The following RCAN3 variants were observed in gnomAD, a reference collection of about 807,000 sequenced individuals.
RCAN3 encodes calcipressin-3.
RCAN3 carries 19 observed loss-of-function variants against 21.9 expected under a neutral mutation model. The ratio of observed to expected loss-of-function variants is 0.87; its 90% CI spans 0.61 to 1.27. The LOEUF is 1.27. RCAN3 is among the 50% of genes most tolerant of loss of function. The pLI, the probability that RCAN3 is intolerant of heterozygous loss-of-function variation, is 0.00. For missense variants in RCAN3, 240 were observed against 300.1 expected, an observed-to-expected ratio of 0.80 and a Z score of 1.48; for synonymous variants, 114 against 112.3, an observed-to-expected ratio of 1.01 and a Z score of -0.09.
chr1:24,514,691 G>A (rs563912021), intron 2 of RCAN3, 124 bp downstream of exon 2: 55 of 927,096 alleles, frequency 5.9e-5, no homozygotes, highest in Non-Finnish European at 8.5e-5. Flanking sequence ...CTTTTAGGCC[G>A]GGCGCATTGG....
rs567211585 is a variant in RCAN3, at chr1:24,532,163, T to C, written c.369+772T>C. On this transcript the variant is annotated intron_variant, in intron 3 of 4. Coordinates refer to ENST00000374395, the MANE Select transcript of RCAN3 (RefSeq NM_013441.4). ...CCATATAACCTAATGTCTTCTAAGA[T>C]TGGAATTTAGTAGTTGCTGTCGTTC... 1.8e-3 allele frequency among the ~76,000 whole-genome samples: 272 copies of C among 152,266 alleles called. 1 individual carries two copies. Among genetic ancestry groups the C allele is most frequent in the African/African-American group, 6.2e-3 (259 of 41,564 alleles).
intron 2 of RCAN3, among the ~76,000 whole-genome samples, chr1:24,530,968 C>A (rs561733025): frequency 2.6e-5 from 4 of 152,242 alleles, no homozygotes; most frequent in African/African-American, 9.6e-5. Context: ...TGAGATCACA[C>A]CACTGCACTC....
intron 1 of RCAN3, among the ~76,000 whole-genome samples, chr1:24,504,960 A>G (rs976509855): frequency 6.6e-5 from 10 of 152,230 alleles, no homozygotes; most frequent in South Asian, 2.1e-4. Flanking sequence ...TGGAACTTCA[A>G]TTATAACAGG....
intron 2 of RCAN3, among the ~76,000 whole-genome samples, chr1:24,530,915 C>T (rs1292094553): frequency 6.6e-6 from 1 of 152,072 alleles, no homozygotes; most frequent in Non-Finnish European, 1.5e-5. Context: ...GAGGCTGAGG[C>T]AGGAAAATCA....
chr1:24,508,112 C>T (rs1280407752), intron 1 of RCAN3, among the ~76,000 whole-genome samples: 1 of 151,210 alleles, frequency 6.6e-6, no homozygotes, highest in Non-Finnish European at 1.5e-5. Context: ...GAAACTCCGT[C>T]TCAAAAAAAA....
intron 2 of RCAN3, among the ~76,000 whole-genome samples, chr1:24,519,108 G>A (rs975515410): frequency 1.3e-5 from 2 of 151,740 alleles, no homozygotes; most frequent in African/African-American, 4.8e-5. Context: ...ATAGAGTTTC[G>A]CCATGTTGGC....
At chr1:24,511,941 C>T (rs1252844285) in intron 1 of RCAN3, among the ~76,000 whole-genome samples, 5 of 151,896 alleles carry the variant, frequency 3.3e-5, no homozygotes, top group South Asian at 2.1e-4. Context: ...AGAGGGAGCA[C>T]GGCAAGAAGA....
At chr1:24,503,505 G>C (rs1035955714) in intron 1 of RCAN3, among the ~76,000 whole-genome samples, 1 of 152,152 alleles carries the variant, frequency 6.6e-6, no homozygotes. Flanking sequence ...AGCGGTGTAG[G>C]GGCGCCTGGA....
intron 2 of RCAN3, among the ~76,000 whole-genome samples, chr1:24,528,417 GCACA>G (rs1649454069): frequency 6.6e-6 from 1 of 151,994 alleles, no homozygotes; most frequent in South Asian, 2.1e-4. Context: ...TTACATACAG[GCACA>G]CACATGCATT....
At position 24,539,151 on chromosome 1, in the gene RCAN3, ATCCCAACTCCT is replaced by A. The variant is rs921336048; in HGVS notation, c.*3875_*3885del. 1 of 152,044 alleles carries A rather than the reference ATCCCAACTCCT, an allele frequency of 6.6e-6. No homozygotes were observed. Among genetic ancestry groups the A allele is most frequent in the Non-Finnish European group, 1.5e-5 (1 of 68,014 alleles). The allele number at this position is 152,044 out of a possible 1,614,324, so 9.4% of individuals were successfully genotyped here. A position where few individuals can be genotyped will look rare whatever the true frequency, so the allele number is the denominator to read the frequency against. On this transcript the variant is annotated 3_prime_UTR_variant, in exon 5 of 5. Transcript: ENST00000374395. ...GGCAACCCAGGGACTACAACTGGCA[ATCCCAACTCCT>A]GGGCTAGGGCTTTTTCTACCTTTTT... is the stretch of plus-strand genomic sequence containing the variant.
rs201305577 is a variant in RCAN3, at chr1:24,535,137, G to A, written c.586G>A (p.Val196Met). Reference protein sequence around the residue: ...LHAGTESTPSVVVHVCESETE... With the variant: ...LHAGTESTPSMVVHVCESETE... ...CGCGGGAACAGAGTCGACACCCAGCGTGGTGGTTCATGTCTGTGAAAGTGA... is the reference window on the plus strand; with the variant it reads ...CGCGGGAACAGAGTCGACACCCAGCATGGTGGTTCATGTCTGTGAAAGTGA... Residue 196 changes from valine (V) to methionine (M), a missense_variant, in exon 5 of 5, where the codon GTG (valine) becomes ATG (methionine). Val to Met is a conservative substitution (Grantham distance 21). Transcript: ENST00000374395. The A allele has an allele frequency of 1.8e-5, 29 of 1,596,932 alleles. No homozygotes were observed. Among genetic ancestry groups the A allele is most frequent in the African/African-American group, 1.4e-4 (10 of 73,602 alleles).
Position 24,537,277 on chromosome 1 carries a change from T to TTC in RCAN3, c.*2001_*2002insCT, listed in dbSNP as rs1164780630. On this transcript the variant is annotated 3_prime_UTR_variant, in exon 5 of 5. Transcript: ENST00000374395. ...ATTACAGTGCTTTTCTATTTTTTTTTTGAGAGCCTTGAATAAATTGAAGAA... is the reference window on the plus strand; with the variant it reads ...ATTACAGTGCTTTTCTATTTTTTTTTTCTGAGAGCCTTGAATAAATTGAAGAA... The TTC allele has an allele frequency of 3.3e-5, 5 of 152,100 alleles. No individual in the cohort carries two copies. Among genetic ancestry groups the TTC allele is most frequent in the African/African-American group, 1.2e-4 (5 of 41,384 alleles). 9.4% of individuals were successfully genotyped at this position (152,100 alleles called of 1,614,324 possible). A position where few individuals can be genotyped will look rare whatever the true frequency, so the allele number is the denominator to read the frequency against.
intron 1 of RCAN3, among the ~76,000 whole-genome samples, chr1:24,512,842 A>G (rs905033146): frequency 6.6e-6 from 1 of 152,232 alleles, no homozygotes; most frequent in African/African-American, 2.4e-5. Context: ...AGAGGCAGAC[A>G]TGCATAGAAA....
upstream of RCAN3, chr1:24,502,364 C>G (rs1647183455): frequency 6.6e-6 from 1 of 152,558 alleles, no homozygotes; most frequent in Admixed American, 6.5e-5. Flanking sequence ...CTAGCTCCAG[C>G]TCAGCTACCT....
At chr1:24,523,210 C>T (rs1648960486) in intron 2 of RCAN3, among the ~76,000 whole-genome samples, 1 of 151,976 alleles carries the variant, frequency 6.6e-6, no homozygotes, top group Non-Finnish European at 1.5e-5. Flanking sequence ...ATTACAGGCA[C>T]CTGCCACTGC....
At chr1:24,516,790 G>C (rs1285573279) in intron 2 of RCAN3, among the ~76,000 whole-genome samples, 1 of 152,190 alleles carries the variant, frequency 6.6e-6, no homozygotes, top group South Asian at 2.1e-4. Flanking sequence ...GATTGCACCC[G>C]CCTGGAGATG....
chr1:24,521,992 G>A (rs1446895569), intron 2 of RCAN3, among the ~76,000 whole-genome samples: 1 of 152,102 alleles, frequency 6.6e-6, no homozygotes, highest in African/African-American at 2.4e-5. Flanking sequence ...AGTGGTGATG[G>A]TCACACAGTA....
intron 1 of RCAN3, among the ~76,000 whole-genome samples, chr1:24,513,871 T>C (rs906643378): frequency 6.6e-6 from 1 of 152,226 alleles, no homozygotes; most frequent in African/African-American, 2.4e-5. Context: ...ACAGACCATA[T>C]TTCAGGGTAC....
Position 24,535,372 on chromosome 1 carries a change from G to GA in RCAN3, c.*96dup. 3 of 1,365,940 alleles carry GA rather than the reference G, an allele frequency of 2.2e-6. No homozygotes were observed. The highest frequency in any genetic ancestry group is 2.9e-6 in the Non-Finnish European group (3 of 1,032,176). The allele number at this position is 1,365,940 out of a possible 1,614,324, so 84.6% of individuals were successfully genotyped here. A position where few individuals can be genotyped will look rare whatever the true frequency, so the allele number is the denominator to read the frequency against. ...ATGCGTTGCTGCGAACAGCATAGGT[G>GA]AGACTCTGCCGAGTGAGGTATAGGT... On this transcript the variant is annotated 3_prime_UTR_variant, in exon 5 of 5. Transcript: ENST00000374395.
Sources: allele counts gnomAD v4.1 joint callset (sites outside exome capture counted in the v4.1 genomes callset), GRCh38; gene constraint gnomAD v4.1.1; transcripts MANE v1.5; gene names NCBI Gene and HGNC (gene_info 2026-07-23, HGNC 2026-07-21).